The following LRCH2 variants were observed in gnomAD, a reference collection of about 807,000 sequenced individuals.
LRCH2 encodes the protein leucine rich repeats and calponin homology domain containing 2.
A neutral mutation model predicts 68.9 loss-of-function variants in LRCH2; 38 were observed. The ratio of observed to expected loss-of-function variants is 0.55; its 90% confidence interval spans 0.43 to 0.72. The LOEUF (loss-of-function observed/expected upper bound fraction) is 0.72. Ranked by LOEUF, LRCH2 falls within the 30% of genes least tolerant of loss-of-function variation. The probability of loss-of-function intolerance (pLI) is 0.00; values close to 1 mark genes in which losing one functional copy is unlikely to be tolerated. For missense variants in LRCH2, 528 were observed against 572.9 expected, an observed-to-expected ratio of 0.92 and a Z score of 0.80; for synonymous variants, 191 against 208.1, an observed-to-expected ratio of 0.92 and a Z score of 0.71.
chrX:115,202,470 T>C (rs2072937285), intron 1 of LRCH2, among the ~76,000 whole-genome samples: 1 of 112,051 alleles, frequency 8.9e-6, no homozygotes, highest in Admixed American at 9.5e-5. Context: ...CTAACTTGAC[T>C]ACTATGCATG....
intron 3 of LRCH2, among the ~76,000 whole-genome samples, chrX:115,182,993 A>G: frequency 9.1e-6 from 1 of 110,333 alleles, no homozygotes; most frequent in Admixed American, 9.7e-5. Context: ...ATTTTGGTTC[A>G]AAATAAGAAA....
chrX:115,230,124 CATAGTATCCAG>C (rs2073143781), intron 1 of LRCH2, among the ~76,000 whole-genome samples: 1 of 111,807 alleles, frequency 8.9e-6, no homozygotes, highest in Admixed American at 9.5e-5. Flanking sequence ...AACAAATTAT[CATAGTATCCAG>C]ATGGACCAAA....
At chrX:115,144,443 TC>T (rs2072364779) in intron 14 of LRCH2, among the ~76,000 whole-genome samples, 1 of 106,235 alleles carries the variant, frequency 9.4e-6, no homozygotes, top group South Asian at 4.2e-4. Context: ...ATACTAGGAG[TC>T]CCACCTAGAG....
chrX:115,190,874 C>T lies in LRCH2; in HGVS notation c.350-2504G>A, dbSNP rs377255569. On this transcript the variant is annotated intron_variant, in intron 1 of 20. Transcript: ENST00000317135. Reference sequence around the variant, plus strand: ...CGTTATGAGGAGTACCAAGGCCGCTCGCTGGATGCCAACAGTGGAGGCTGC... The same window carrying T: ...CGTTATGAGGAGTACCAAGGCCGCTTGCTGGATGCCAACAGTGGAGGCTGC... 2.0e-5 allele frequency: 23 copies of T among 1,153,297 alleles called. No homozygotes were observed. Among genetic ancestry groups the T allele is most frequent in the Middle Eastern group, 2.4e-4 (1 of 4,235 alleles).
intron 1 of LRCH2, among the ~76,000 whole-genome samples, chrX:115,227,052 T>C (rs782808836): frequency 4.5e-5 from 5 of 111,299 alleles, no homozygotes; most frequent in African/African-American, 1.6e-4. Flanking sequence ...GGGCTGTCCT[T>C]TTCAATGTAG....
intron 2 of LRCH2, among the ~76,000 whole-genome samples, chrX:115,187,367 C>A (rs2072740660): frequency 8.9e-6 from 1 of 112,139 alleles, no homozygotes; most frequent in African/African-American, 3.2e-5. Flanking sequence ...AAAATTAAGT[C>A]ACAATATATC....
chrX:115,119,065 A>C (rs1250977691), intron 20 of LRCH2, among the ~76,000 whole-genome samples: 7 of 111,584 alleles, frequency 6.3e-5, no homozygotes, highest in African/African-American at 9.8e-5. Context: ...CAATATTATA[A>C]TGAATGGGCA....
chrX:115,189,352 G>A, intron 1 of LRCH2: 1 of 985,142 alleles, frequency 1.0e-6, no homozygotes, highest in Admixed American at 3.3e-5. Context: ...ACCGGTAGGA[G>A]CCGCCCTCCA....
intron 11 of LRCH2, among the ~76,000 whole-genome samples, chrX:115,159,217 T>C (rs1556540628): frequency 1.8e-5 from 2 of 111,049 alleles, no homozygotes; most frequent in African/African-American, 3.3e-5. Context: ...AGGCACAATG[T>C]TGTACAGCAG....
At chrX:115,211,321 G>C (rs1342548580) in intron 1 of LRCH2, among the ~76,000 whole-genome samples, 1 of 111,438 alleles carries the variant, frequency 9.0e-6, no homozygotes, top group Non-Finnish European at 1.9e-5. Flanking sequence ...CATTAGATCT[G>C]CTGGTTTTAA....
chrX:115,148,661 A>G (rs1353231879), intron 14 of LRCH2, among the ~76,000 whole-genome samples: 1 of 112,173 alleles, frequency 8.9e-6, no homozygotes, highest in African/African-American at 3.2e-5. Context: ...GAATGTAAAC[A>G]CAATTACAGA....
intron 2 of LRCH2, among the ~76,000 whole-genome samples, chrX:115,186,382 A>T (rs1556554448): frequency 9.0e-6 from 1 of 111,308 alleles, no homozygotes; most frequent in Admixed American, 9.6e-5. Context: ...CATTGAGTTA[A>T]CACAATCATC....
At chrX:115,193,346 A>C (rs1380160328) in intron 1 of LRCH2, among the ~76,000 whole-genome samples, 1 of 111,877 alleles carries the variant, frequency 8.9e-6, no homozygotes. Flanking sequence ...CTTCACCTTG[A>C]TATCTCTCAG....
rs931086277 is a variant in LRCH2, at chrX:115,131,061, A to T, written c.1696-862T>A. ...TGGCATTCAAGGTTCTTTTTTGTAA[A>T]TTTTTTTAAATTATTATTATTTTTA... On this transcript the variant is annotated intron_variant, in intron 14 of 20. Coordinates refer to ENST00000317135, the MANE Select transcript of LRCH2 (RefSeq NM_020871.4). Among the ~76,000 whole-genome samples the T allele has an allele frequency of 3.6e-5, 4 of 110,684 alleles. No homozygotes were observed. The East Asian group carries it at 1.1e-3, about 31-fold the overall frequency.
intron 10 of LRCH2, among the ~76,000 whole-genome samples, chrX:115,165,116 C>T (rs1039488805): frequency 1.5e-4 from 17 of 109,742 alleles, no homozygotes; most frequent in Non-Finnish European, 2.9e-4. Context: ...TTAAATAGCT[C>T]AAATGAAGCA....
At chrX:115,233,557 G>A in intron 1 of LRCH2, 136 bp downstream of exon 1, 1 of 601,789 alleles carries the variant, frequency 1.7e-6, no homozygotes, top group Non-Finnish European at 2.5e-6. Flanking sequence ...AGGAGAACGG[G>A]CTGCCCCGAC....
chrX:115,187,539 T>C (rs2072742431), intron 2 of LRCH2, among the ~76,000 whole-genome samples: 1 of 112,062 alleles, frequency 8.9e-6, no homozygotes, highest in African/African-American at 3.2e-5. Flanking sequence ...GCTGAATATA[T>C]CTATGAATTT....
chrX:115,142,030 CA>C lies in LRCH2; in HGVS notation c.1695+7796del, dbSNP rs782274052. Among the ~76,000 whole-genome samples, 12 of 111,157 alleles carry C rather than the reference CA, an allele frequency of 1.1e-4. No homozygotes were observed. In the Admixed American group the frequency reaches 1.1e-3, roughly 11 times the overall value. On this transcript the variant is annotated intron_variant, in intron 14 of 20. Transcript: ENST00000317135. ...CAGGTGTAGCTATACTTATATCAGA[CA>C]AAATGGATTTCAAGATAAAAATGAA...
At chrX:115,164,963 C>T (rs2072546379) in intron 10 of LRCH2, among the ~76,000 whole-genome samples, 1 of 110,650 alleles carries the variant, frequency 9.0e-6, no homozygotes, top group South Asian at 3.7e-4. Flanking sequence ...GACATAAGTA[C>T]CCTTAAAAGT....
Sources: allele counts gnomAD v4.1 joint callset (sites outside exome capture counted in the v4.1 genomes callset), GRCh38; gene constraint gnomAD v4.1.1; transcripts MANE v1.5; gene names NCBI Gene and HGNC (gene_info 2026-07-23, HGNC 2026-07-21).